Variants in ASIC2 observed in about 807,000 individuals in gnomAD.
ASIC2 encodes the protein acid sensing ion channel subunit 2, also known as acid-sensing ion channel 2.
ASIC2 carries 25 observed loss-of-function variants against 57.3 expected under a neutral mutation model. That is an observed-to-expected ratio of 0.44 (90% CI 0.32 to 0.61). ASIC2 has a LOEUF of 0.61. Among genes scored for constraint, ASIC2 ranks in the 20% least tolerant of loss-of-function variants. ASIC2 has a pLI of 0.06. For synonymous variants in ASIC2, 319 were observed against 307.5 expected, an observed-to-expected ratio of 1.04 and a Z score of -0.39; for missense variants, 641 against 738.1, an observed-to-expected ratio of 0.87 and a Z score of 1.52.
At chr17:33,548,785 G>T (rs1345526400) in intron 1 of ASIC2, among the ~76,000 whole-genome samples, 1 of 152,150 alleles carries the variant, frequency 6.6e-6, no homozygotes, top group Admixed American at 6.5e-5. Context: ...AGCAAGTCAA[G>T]GTCATTACCA....
At chr17:34,069,513 C>T (rs1909318717) in intron 1 of ASIC2, 1 of 152,132 alleles carries the variant, frequency 6.6e-6, no homozygotes, top group Non-Finnish European at 1.5e-5. Flanking sequence ...GGAAGCTCCT[C>T]CCGGCCTTGG....
intron 1 of ASIC2, among the ~76,000 whole-genome samples, chr17:33,142,542 T>G (rs1904359144): frequency 6.6e-6 from 1 of 152,314 alleles, no homozygotes; most frequent in South Asian, 2.1e-4. Flanking sequence ...TCCTCAGCAA[T>G]GCAGAGCAGG....
chr17:33,470,911 C>A (rs1011182170), intron 1 of ASIC2, among the ~76,000 whole-genome samples: 4 of 151,822 alleles, frequency 2.6e-5, no homozygotes, highest in Admixed American at 1.3e-4. Flanking sequence ...ATCTGTATAA[C>A]TCTCCTGAAT....
chr17:33,663,488 T>C (rs78525580), intron 1 of ASIC2, among the ~76,000 whole-genome samples: 4,804 of 148,788 alleles, frequency 0.032, 195 homozygotes, highest in African/African-American at 0.088. Context: ...CACAGAAGTA[T>C]ATGCGTGCTA....
At chr17:33,853,895 T>A (rs941752606) in intron 1 of ASIC2, among the ~76,000 whole-genome samples, 4 of 152,188 alleles carry the variant, frequency 2.6e-5, no homozygotes, top group African/African-American at 9.7e-5. Flanking sequence ...CCTTGACACC[T>A]TAAGTTCTCT....
chr17:34,119,052 A>G (rs1267116994), intron 1 of ASIC2, among the ~76,000 whole-genome samples: 1 of 152,226 alleles, frequency 6.6e-6, no homozygotes, highest in African/African-American at 2.4e-5. Context: ...GAAACGGTTC[A>G]TCCTATAAGC....
chr17:33,102,581 G>T (rs2092216033), intron 2 of ASIC2, among the ~76,000 whole-genome samples: 1 of 151,912 alleles, frequency 6.6e-6, no homozygotes, highest in African/African-American at 2.4e-5. Flanking sequence ...CATCCTCTTG[G>T]TTTTATTACT....
intron 1 of ASIC2, among the ~76,000 whole-genome samples, chr17:33,849,873 C>T (rs554049995): frequency 2.0e-5 from 3 of 152,262 alleles, no homozygotes; most frequent in African/African-American, 4.8e-5. Flanking sequence ...TTAGGAAGCT[C>T]ACTTTTGCTG....
intron 1 of ASIC2, among the ~76,000 whole-genome samples, chr17:33,401,251 A>G (rs1270787814): frequency 6.6e-6 from 1 of 152,258 alleles, no homozygotes; most frequent in African/African-American, 2.4e-5. Flanking sequence ...TTGGAAGAAG[A>G]GAACCAGAAC....
At position 33,159,086 on chromosome 17, in the gene ASIC2, T is replaced by C. The variant is rs570325259; in HGVS notation, c.709-47019A>G. 5.9e-5 allele frequency among the ~76,000 whole-genome samples: 9 copies of C among 152,356 alleles called. No individual in the cohort carries two copies. The East Asian group carries it at 1.5e-3, about 26-fold the overall frequency. ...GAGCATTGGCAGTGTTGTCTTGAGT[T>C]GCTGCTGCTTTCCAGCTGCCACCTT... is the stretch of plus-strand genomic sequence containing the variant. On this transcript the variant is annotated intron_variant, in intron 1 of 9. Coordinates refer to ENST00000225823, the MANE Select transcript of ASIC2 (RefSeq NM_183377.2).
intron 1 of ASIC2, among the ~76,000 whole-genome samples, chr17:33,305,299 T>C (rs1906124255): frequency 6.6e-6 from 1 of 152,222 alleles, no homozygotes; most frequent in Admixed American, 6.5e-5. Context: ...CATTACATGA[T>C]ACAGCCTTCC....
At chr17:34,145,699 A>G (rs1427273830) in intron 1 of ASIC2, among the ~76,000 whole-genome samples, 1 of 152,006 alleles carries the variant, frequency 6.6e-6, no homozygotes, top group African/African-American at 2.4e-5. Flanking sequence ...CAGCTCTCAT[A>G]TTGCCCGTGA....
intron 1 of ASIC2, among the ~76,000 whole-genome samples, chr17:33,343,319 C>G (rs918131417): frequency 6.6e-6 from 1 of 152,220 alleles, no homozygotes; most frequent in Non-Finnish European, 1.5e-5. Flanking sequence ...CTTCTGCTCC[C>G]TCTTCTAATC....
At chr17:33,744,596 C>A (rs905220024) in intron 1 of ASIC2, among the ~76,000 whole-genome samples, 2 of 152,064 alleles carry the variant, frequency 1.3e-5, no homozygotes, top group African/African-American at 4.8e-5. Flanking sequence ...AAATCAGTAT[C>A]CAGAATTGCT....
chr17:33,705,177 G>A (rs1449130008), intron 1 of ASIC2, among the ~76,000 whole-genome samples: 2 of 152,118 alleles, frequency 1.3e-5, no homozygotes, highest in African/African-American at 4.8e-5. Context: ...TTTTACATGA[G>A]TAATGTATGT....
chr17:33,895,794 T>A lies in ASIC2; in HGVS notation c.555+260184A>T, dbSNP rs990662383. 2.0e-5 allele frequency among the ~76,000 whole-genome samples: 3 copies of A among 152,350 alleles called. No homozygotes were observed. In the East Asian group the frequency reaches 5.8e-4, roughly 29 times the overall value. On this transcript the variant is annotated intron_variant, in intron 1 of 9. Transcript: ENST00000359872. ...CAAGTCCTGAAACATTGAGATTCTCTTTAAATCATGTCTTACGAGGCAGAA... is the reference window on the plus strand; with the variant it reads ...CAAGTCCTGAAACATTGAGATTCTCATTAAATCATGTCTTACGAGGCAGAA...
chr17:34,103,008 T>G (rs371429518), intron 1 of ASIC2, among the ~76,000 whole-genome samples: 1 of 152,262 alleles, frequency 6.6e-6, no homozygotes. Flanking sequence ...ATTTTATTGT[T>G]GAGTTGAAAG....
chr17:33,886,612 T>C (rs745439687), intron 1 of ASIC2, among the ~76,000 whole-genome samples: 1 of 152,126 alleles, frequency 6.6e-6, no homozygotes, highest in East Asian at 1.9e-4. Flanking sequence ...TATAGTAAGA[T>C]AACATAGAAA....
chr17:33,295,145 C>T (rs1038837334), upstream of ASIC2, among the ~76,000 whole-genome samples: 2 of 152,178 alleles, frequency 1.3e-5, no homozygotes, highest in African/African-American at 4.8e-5. Context: ...CTGTTGTGGG[C>T]TTGCTCTTTC....
Sources: gnomAD v4.1 joint callset for allele counts (sites outside exome capture counted in the v4.1 genomes callset) on GRCh38, gnomAD v4.1.1 for gene constraint, MANE v1.5 for transcripts, NCBI Gene and HGNC (gene_info 2026-07-23, HGNC 2026-07-21) for gene names.